SUGCT: variants seen among roughly 807,000 people sequenced by gnomAD.
The protein encoded by SUGCT is succinyl-CoA:glutarate-CoA transferase.
SUGCT carries 41 observed loss-of-function variants against 55.0 expected under a neutral mutation model. That is an observed-to-expected ratio of 0.74 (90% CI 0.58 to 0.97). The LOEUF (loss-of-function observed/expected upper bound fraction) is 0.97, where lower values mean the gene tolerates loss of function less well. SUGCT is among the 50% of genes least tolerant of loss of function. The pLI, the probability that SUGCT is intolerant of heterozygous loss-of-function variation, is 0.00. For synonymous variants in SUGCT, 187 were observed against 200.4 expected (o/e 0.93, Z 0.56); for missense variants, 568 against 547.8 (o/e 1.04, Z -0.37).
intron 12 of SUGCT, among the ~76,000 whole-genome samples, chr7:40,680,251 A>G (rs895412648): frequency 7.9e-5 from 12 of 152,208 alleles, no homozygotes; most frequent in African/African-American, 2.7e-4. Flanking sequence ...TCAGCTGTTT[A>G]ACACCTGCAA....
Position 40,657,993 on chromosome 7 carries a change from G to T in SUGCT, c.1090-91441G>T, listed in dbSNP as rs370633680. On this transcript the variant is annotated intron_variant, in intron 12 of 13. Coordinates refer to ENST00000335693, the MANE Select transcript of SUGCT (RefSeq NM_001193313.2). ...TGATCCATGACACAACAGTACCAAG[G>T]AAAACTCTTAGAGGGAATTGAATTA... Among the ~76,000 whole-genome samples the T allele has an allele frequency of 1.2e-4, 19 of 152,246 alleles. No homozygotes were observed. In the East Asian group the frequency reaches 2.5e-3, roughly 20 times the overall value.
chr7:40,850,916 T>C (rs969382565), intron 13 of SUGCT, among the ~76,000 whole-genome samples: 1 of 152,240 alleles, frequency 6.6e-6, no homozygotes, highest in African/African-American at 2.4e-5. Context: ...AGGTCATCAC[T>C]GTAGCAGAGA....
chr7:40,590,168 G>A (rs1047736205), intron 12 of SUGCT, among the ~76,000 whole-genome samples: 8 of 152,100 alleles, frequency 5.3e-5, no homozygotes, highest in Non-Finnish European at 1.0e-4. Context: ...AGAAGATGCC[G>A]AACTTAATAA....
intron 12 of SUGCT, among the ~76,000 whole-genome samples, chr7:40,591,313 G>C (rs1797707206): frequency 6.6e-6 from 1 of 152,162 alleles, no homozygotes; most frequent in African/African-American, 2.4e-5. Flanking sequence ...AATAACAGAG[G>C]ATTAAAATTA....
chr7:40,763,183 A>G (rs1788620251), intron 13 of SUGCT, among the ~76,000 whole-genome samples: 1 of 152,142 alleles, frequency 6.6e-6, no homozygotes, highest in African/African-American at 2.4e-5. Flanking sequence ...GTAAGCCACA[A>G]TAAGGCTAGT....
At chr7:40,782,287 A>G (rs1476084789) in intron 13 of SUGCT, among the ~76,000 whole-genome samples, 1 of 152,120 alleles carries the variant, frequency 6.6e-6, no homozygotes, top group Non-Finnish European at 1.5e-5. Flanking sequence ...CATATCTATA[A>G]TTTTTAAATA....
intron 12 of SUGCT, among the ~76,000 whole-genome samples, chr7:40,601,680 C>T (rs1798296517): frequency 6.6e-6 from 1 of 151,984 alleles, no homozygotes; most frequent in South Asian, 2.1e-4. Context: ...AGTTCGCAGC[C>T]TAGATGGCTC....
intron 9 of SUGCT, among the ~76,000 whole-genome samples, chr7:40,321,414 G>C (rs1042727041): frequency 2.1e-5 from 3 of 142,898 alleles, no homozygotes; most frequent in African/African-American, 5.4e-5. Flanking sequence ...ACAGAGTCTT[G>C]CTCTGTTGCC....
At chr7:40,486,428 T>A (rs1050195117) in intron 11 of SUGCT, among the ~76,000 whole-genome samples, 1 of 152,128 alleles carries the variant, frequency 6.6e-6, no homozygotes, top group Admixed American at 6.5e-5. Context: ...TTCTTTGTTT[T>A]GTTGCTTTTT....
At chr7:40,587,000 A>G (rs546744135) in intron 12 of SUGCT, among the ~76,000 whole-genome samples, 75 of 152,374 alleles carry the variant, frequency 4.9e-4, no homozygotes, top group Admixed American at 2.6e-4. Context: ...ACATGGATGA[A>G]TCACAAATGT....
intron 1 of SUGCT, among the ~76,000 whole-genome samples, chr7:40,168,212 T>C (rs2150669100): frequency 6.6e-6 from 1 of 152,288 alleles, no homozygotes; most frequent in African/African-American, 2.4e-5. Context: ...ATCCAGCTAG[T>C]CCTGTCTCTC....
chr7:40,771,207 AT>A (rs752214626), intron 13 of SUGCT, among the ~76,000 whole-genome samples: 3 of 152,168 alleles, frequency 2.0e-5, no homozygotes, highest in Non-Finnish European at 2.9e-5. Context: ...ACATACTTAG[AT>A]TTCCCCCCCA....
chr7:40,714,511 A>C (rs1367411107), intron 12 of SUGCT, among the ~76,000 whole-genome samples: 1 of 152,188 alleles, frequency 6.6e-6, no homozygotes, highest in Non-Finnish European at 1.5e-5. Context: ...GCCTGAAGCC[A>C]TGAAGTTAAC....
intron 13 of SUGCT, among the ~76,000 whole-genome samples, chr7:40,847,311 TC>T (rs2128795458): frequency 6.6e-6 from 1 of 152,140 alleles, no homozygotes; most frequent in South Asian, 2.1e-4. Flanking sequence ...CAGTCACCAT[TC>T]TCACACACTG....
intron 12 of SUGCT, among the ~76,000 whole-genome samples, chr7:40,660,058 T>A (rs191323154): frequency 7.4e-4 from 112 of 152,342 alleles, no homozygotes; most frequent in African/African-American, 2.5e-3. Context: ...TGACAGCTGC[T>A]ATAACAAATT....
At chr7:40,957,045 G>T in the SUGCT span, among the ~76,000 whole-genome samples, 71 of 152,106 alleles carry the variant, frequency 4.7e-4, no homozygotes, top group Admixed American at 4.6e-4. Flanking sequence ...CAATTATGTG[G>T]TTAATTTTAG....
intron 7 of SUGCT, among the ~76,000 whole-genome samples, chr7:40,249,313 C>CTATCTATATCTATATCTATATATCTA (rs1324264789): frequency 2.5e-5 from 2 of 79,516 alleles, no homozygotes; most frequent in Non-Finnish European, 4.6e-5. Context: ...CACCAAAAAG[C>CTATCTATATCTATATCTATATATCTA]TATATATATA....
chr7:40,566,302 G>A (rs1796150561), intron 12 of SUGCT, among the ~76,000 whole-genome samples: 1 of 152,162 alleles, frequency 6.6e-6, no homozygotes, highest in South Asian at 2.1e-4. Flanking sequence ...GAAGGGCCCT[G>A]TTTTCAGGAC....
rs1265002770 is a variant in SUGCT, at chr7:40,439,084, A to G, written c.817-10203A>G. ...ATGGTGTATATATATATATATATAT[A>G]TATATATATATATATATATATATAT... On this transcript the variant is annotated intron_variant, in intron 9 of 13. Transcript: ENST00000335693. Among the ~76,000 whole-genome samples the G allele has an allele frequency of 2.5e-3, 294 of 119,472 alleles. 18 individuals carry two copies. Among genetic ancestry groups the G allele is most frequent in the Middle Eastern group, 0.023 (6 of 256 alleles). The allele number at this position is 119,472 out of a possible 152,430, so 78.4% of individuals were successfully genotyped here.
Sources: allele counts gnomAD v4.1 joint callset (sites outside exome capture counted in the v4.1 genomes callset), GRCh38; gene constraint gnomAD v4.1.1; transcripts MANE v1.5; gene names NCBI Gene and HGNC (gene_info 2026-07-23, HGNC 2026-07-21).